ENOX1: variants seen among roughly 807,000 people sequenced by gnomAD.
ENOX1 encodes candidate growth-related and time keeping constitutive hydroquinone (NADH) oxidase.
Under a neutral mutation model 82.5 loss-of-function variants are expected in ENOX1, and 42 were observed. The observed-to-expected ratio is 0.51, with a 90% CI of 0.40 to 0.66. The LOEUF is 0.66. Among genes scored for constraint, ENOX1 ranks in the 30% least tolerant of loss-of-function variants. The pLI is 0.00. For synonymous variants in ENOX1, 271 were observed against 282.2 expected (o/e 0.96, Z 0.40); for missense variants, 608 against 811.6 (o/e 0.75, Z 3.05).
chr13:43,317,473 A>C (rs1163620297), intron 11 of ENOX1, among the ~76,000 whole-genome samples: 1 of 152,108 alleles, frequency 6.6e-6, no homozygotes, highest in Non-Finnish European at 1.5e-5. Flanking sequence ...GAAAATACTT[A>C]ATCAGAAAAA....
intron 2 of ENOX1, among the ~76,000 whole-genome samples, chr13:43,611,348 T>C (rs1452377707): frequency 6.6e-6 from 1 of 152,200 alleles, no homozygotes; most frequent in African/African-American, 2.4e-5. Context: ...AAATATATAC[T>C]GAAGGGTTTG....
At chr13:43,683,329 A>C (rs1479709252) in intron 1 of ENOX1, among the ~76,000 whole-genome samples, 1 of 152,106 alleles carries the variant, frequency 6.6e-6, no homozygotes, top group Non-Finnish European at 1.5e-5. Context: ...GGAGCTCAGA[A>C]GGGACTGCAG....
chr13:43,729,041 C>T (rs2089167191), intron 1 of ENOX1, among the ~76,000 whole-genome samples: 1 of 152,120 alleles, frequency 6.6e-6, no homozygotes, highest in Admixed American at 6.5e-5. Context: ...CCACAAAAAC[C>T]ACTTAGTTCC....
intron 1 of ENOX1, among the ~76,000 whole-genome samples, chr13:43,722,025 G>C (rs931116780): frequency 1.3e-5 from 2 of 152,296 alleles, no homozygotes; most frequent in African/African-American, 4.8e-5. Context: ...CCTTTGAACA[G>C]GAATGTAGAG....
intron 12 of ENOX1, among the ~76,000 whole-genome samples, chr13:43,272,320 C>T (rs1203091525): frequency 6.6e-6 from 1 of 152,128 alleles, no homozygotes; most frequent in Non-Finnish European, 1.5e-5. Flanking sequence ...TGCAAGTTCC[C>T]TTATGGCCCT....
Position 43,586,900 on chromosome 13 carries a change from T to C in ENOX1, c.-219+80579A>G, listed in dbSNP as rs1340439170. 1.7e-4 allele frequency among the ~76,000 whole-genome samples: 15 copies of C among 89,006 alleles called. No individual in the cohort carries two copies. The Admixed American group carries it at 2.2e-3, about 13-fold the overall frequency. The allele number at this position is 89,006 out of a possible 152,430, so 58.4% of individuals were successfully genotyped here. On this transcript the variant is annotated intron_variant, in intron 2 of 16. Transcript: ENST00000690772. ...CAACATGGTGAAACCCTGTCTCTAC[T>C]AAAAATACAAAAAAAAAAAAAAATT...
intron 4 of ENOX1, 57 bp downstream of exon 4, chr13:43,412,788 T>C: frequency 6.2e-7 from 1 of 1,604,406 alleles, no homozygotes; most frequent in Admixed American, 1.7e-5. Context: ...GGCAAGCTTT[T>C]CCACTAAGAA....
chr13:43,729,448 CA>C (rs148964730), intron 1 of ENOX1, among the ~76,000 whole-genome samples: 3,143 of 151,600 alleles, frequency 0.021, 117 homozygotes, highest in African/African-American at 0.072. Context: ...ATACGACAGA[CA>C]AAAAAAATGA....
At chr13:43,725,802 CAAA>C (rs753589184) in intron 1 of ENOX1, among the ~76,000 whole-genome samples, 3 of 97,360 alleles carry the variant, frequency 3.1e-5, no homozygotes, top group Admixed American at 1.1e-4. Flanking sequence ...CTCGTCTCTA[CAAA>C]AAAAAAAAAA....
intron 12 of ENOX1, 77 bp downstream of exon 12, chr13:43,298,269 C>A: frequency 7.0e-7 from 1 of 1,435,278 alleles, no homozygotes. Context: ...CTTTCCAGCA[C>A]ACGGCTGCCT....
At chr13:43,776,204 A>C (rs1371252200) in intron 1 of ENOX1, among the ~76,000 whole-genome samples, 4 of 152,216 alleles carry the variant, frequency 2.6e-5, no homozygotes, top group African/African-American at 9.6e-5. Context: ...ATAAGAGATG[A>C]GTAAGAACTG....
At chr13:43,540,914 A>G (rs913691437) in intron 2 of ENOX1, among the ~76,000 whole-genome samples, 2 of 152,142 alleles carry the variant, frequency 1.3e-5, no homozygotes, top group African/African-American at 4.8e-5. Context: ...AACAGCACAT[A>G]AGAATCTCAT....
chr13:43,579,704 G>A (rs2080616218), intron 2 of ENOX1, among the ~76,000 whole-genome samples: 1 of 152,162 alleles, frequency 6.6e-6, no homozygotes, highest in Admixed American at 6.5e-5. Flanking sequence ...AAGGCTCATG[G>A]TAAAGAAAAT....
intron 2 of ENOX1, among the ~76,000 whole-genome samples, chr13:43,489,082 ATAGAAGAAAGCCAGGTGCTT>A (rs1254041793): frequency 1.3e-5 from 2 of 152,188 alleles, no homozygotes; most frequent in African/African-American, 2.4e-5. Context: ...ATTAGTATGG[ATAGAAGAAAGCCAGGTGCTT>A]TAGAAGAAAG....
intron 13 of ENOX1, among the ~76,000 whole-genome samples, chr13:43,269,018 C>T (rs2044537043): frequency 1.3e-5 from 2 of 152,140 alleles, no homozygotes; most frequent in Non-Finnish European, 2.9e-5. Flanking sequence ...TGTTGCTCAC[C>T]ATGGTTAGAT....
At chr13:43,434,937 G>GTTTGTTTTTTTTTTTTTTTTTTT (rs1555273075) in intron 3 of ENOX1, among the ~76,000 whole-genome samples, 1 of 75,910 alleles carries the variant, frequency 1.3e-5, no homozygotes. Context: ...TGTGTGTGTG[G>GTTTGTTTTTTTTTTTTTTTTTTT]TTTTTTTTTT....
chr13:43,751,943 T>C (rs1012545511), intron 1 of ENOX1, among the ~76,000 whole-genome samples: 1 of 152,242 alleles, frequency 6.6e-6, no homozygotes, highest in African/African-American at 2.4e-5. Flanking sequence ...TTTGATTTTT[T>C]AAGAAACTGC....
chr13:43,769,904 C>T (rs965738496), intron 1 of ENOX1, among the ~76,000 whole-genome samples: 15 of 152,324 alleles, frequency 9.8e-5, no homozygotes, highest in Middle Eastern at 3.4e-3. Context: ...GGGATATCAA[C>T]GCCTAACTGG....
At chr13:43,376,468 A>G (rs1300259595) in intron 5 of ENOX1, among the ~76,000 whole-genome samples, 1 of 152,232 alleles carries the variant, frequency 6.6e-6, no homozygotes, top group African/African-American at 2.4e-5. Context: ...AAGGCATGTC[A>G]GGTGCTAAGA....
Sources: gnomAD v4.1 joint callset for allele counts (sites outside exome capture counted in the v4.1 genomes callset) on GRCh38, gnomAD v4.1.1 for gene constraint, MANE v1.5 for transcripts, NCBI Gene and HGNC (gene_info 2026-07-23, HGNC 2026-07-21) for gene names.